Variants in TAFA3 observed in about 807,000 individuals in gnomAD.
TAFA3 encodes the protein chemokine-like protein TAFA-3.
In TAFA3, 17 loss-of-function variants were observed where a neutral mutation model predicts 20.7. The observed-to-expected ratio is 0.82, with a 90% CI of 0.56 to 1.23. The LOEUF (loss-of-function observed/expected upper bound fraction) is 1.23, where lower values mean the gene tolerates loss of function less well. Ranked by LOEUF, TAFA3 falls within the 50% of genes most tolerant of loss-of-function variation. The pLI, the probability that TAFA3 is intolerant of heterozygous loss-of-function variation, is 0.00. For missense variants in TAFA3, 174 were observed against 172.8 expected, an observed-to-expected ratio of 1.01 and a Z score of -0.04; for synonymous variants, 74 against 71.8, an observed-to-expected ratio of 1.03 and a Z score of -0.16.
chr1:112,722,707 T>C (rs1675358698), intron 3 of TAFA3, among the ~76,000 whole-genome samples: 1 of 152,178 alleles, frequency 6.6e-6, no homozygotes, highest in South Asian at 2.1e-4. Context: ...CCACGCATTG[T>C]AAGCCCTGGG....
rs116534797 is a variant in TAFA3 at position 112,722,346 on chromosome 1, C to T, written c.113C>T (p.Thr38Ile). 1.0e-3 allele frequency: 1,623 copies of T among 1,612,950 alleles called. 9 individuals carry two copies. In the African/African-American group the frequency reaches 0.014, roughly 14 times the overall value. ...TLAALQPPTA[T>I]VLVQQGTCEV... Reference sequence around the variant, plus strand: ...GCTGCCTTGCAGCCTCCCACTGCCACAGGTTTGGAGGAGGTGGCAGGGCCC... The same window carrying T: ...GCTGCCTTGCAGCCTCCCACTGCCATAGGTTTGGAGGAGGTGGCAGGGCCC... The change falls in exon 3 of 6, where the codon ACA (threonine) becomes ATA (isoleucine). Residue 38 changes from threonine to isoleucine, a missense_variant and splice_region_variant. Physicochemically the swap from Thr to Ile is moderately conservative, Grantham distance 89. Transcript: ENST00000361886.
At chr1:112,725,495 ACT>A (rs1431965465) in intron 5 of TAFA3, among the ~76,000 whole-genome samples, 2 of 150,434 alleles carry the variant, frequency 1.3e-5, no homozygotes, top group African/African-American at 4.9e-5. Flanking sequence ...TACAGTAGTC[ACT>A]CTGTCACTCA....
In TAFA3 at chr1:112,726,802, A is replaced by G. The variant is rs1280698384; in HGVS notation, c.*162A>G. 4.7e-6 allele frequency: 5 copies of G among 1,063,518 alleles called. No homozygotes were observed. The highest frequency in any genetic ancestry group is 7.0e-6 in the Non-Finnish European group (5 of 713,758). 65.9% of individuals were successfully genotyped at this position (1,063,518 alleles called of 1,614,324 possible). A position where few individuals can be genotyped will look rare whatever the true frequency, so the allele number is the denominator to read the frequency against. ...ATTTCAGTTAAGCTGCTCAGCAGAT[A>G]TGGATGGATCTGCAATCACATACCT... is the stretch of plus-strand genomic sequence containing the variant. On this transcript the variant is annotated 3_prime_UTR_variant, in exon 6 of 6. Coordinates refer to ENST00000361886, the MANE Select transcript of TAFA3 (RefSeq NM_182759.3).
At chr1:112,724,284 C>A in intron 5 of TAFA3, 147 bp downstream of exon 5, 2 of 751,348 alleles carry the variant, frequency 2.7e-6, no homozygotes, top group Non-Finnish European at 4.2e-6. Flanking sequence ...CCTCTCAGGT[C>A]TGTTCTCACT....
chr1:112,724,878 T>TATTA (rs1317409485), intron 5 of TAFA3, among the ~76,000 whole-genome samples: 1 of 132,872 alleles, frequency 7.5e-6, no homozygotes, highest in Admixed American at 7.6e-5. Flanking sequence ...CCAGCCATCC[T>TATTA]ATTACTGGTA....
At chr1:112,725,918 C>A (rs1235278318) in intron 5 of TAFA3, among the ~76,000 whole-genome samples, 2 of 152,114 alleles carry the variant, frequency 1.3e-5, no homozygotes, top group East Asian at 3.9e-4. Flanking sequence ...GTGGGTGAAT[C>A]AAGAGGTCAG....
At chr1:112,721,952 A>G (rs1202999814) in intron 2 of TAFA3, among the ~76,000 whole-genome samples, 1 of 151,882 alleles carries the variant, frequency 6.6e-6, no homozygotes. Context: ...AGTAGGAGTC[A>G]GTATTATTGT....
rs1452845543 is a variant in TAFA3, at chr1:112,723,064, G to T, written c.164G>T (p.Cys55Phe). The T allele has an allele frequency of 6.2e-7, 1 of 1,613,116 alleles. No homozygotes were observed. Among genetic ancestry groups the T allele is most frequent in the Non-Finnish European group, 8.5e-7 (1 of 1,179,686 alleles). The change falls in exon 4 of 6, where the codon TGC becomes TTC. Residue 55 changes from cysteine (C) to phenylalanine (F), a missense_variant. Physicochemically the swap from Cys to Phe is radical, Grantham distance 205. Coordinates refer to ENST00000361886, the MANE Select transcript of TAFA3 (RefSeq NM_182759.3). ...TCEVIAAHRCCNRNRIEERSQ... is the reference protein window; with the variant it reads ...TCEVIAAHRCFNRNRIEERSQ... ...GAGGTGATTGCGGCTCACCGCTGCTGCAACCGGAACCGCATCGAGGAGCGC... is the reference window on the plus strand; with the variant it reads ...GAGGTGATTGCGGCTCACCGCTGCTTCAACCGGAACCGCATCGAGGAGCGC...
At chr1:112,724,744 C>A in intron 5 of TAFA3, among the ~76,000 whole-genome samples, 1 of 133,794 alleles carries the variant, frequency 7.5e-6, no homozygotes, top group Non-Finnish European at 1.5e-5. Flanking sequence ...TGTAACTAAC[C>A]TGCACAATGT....
At chr1:112,725,708 G>A (rs1006462445) in intron 5 of TAFA3, among the ~76,000 whole-genome samples, 6 of 152,228 alleles carry the variant, frequency 3.9e-5, no homozygotes, top group African/African-American at 1.4e-4. Context: ...AGCTCCATGT[G>A]TGTCATGGCT....
At chr1:112,719,381 G>C (rs1438124990) in intron 1 of TAFA3, among the ~76,000 whole-genome samples, 82 bp downstream of exon 1, 1 of 152,184 alleles carries the variant, frequency 6.6e-6, no homozygotes, top group African/African-American at 2.4e-5. Context: ...GGTGAAGAAA[G>C]GTTGAAGATT....
At chr1:112,723,367 G>A (rs1042187769) in intron 4 of TAFA3, among the ~76,000 whole-genome samples, 3 of 152,068 alleles carry the variant, frequency 2.0e-5, no homozygotes, top group Non-Finnish European at 4.4e-5. Flanking sequence ...CTTGTTATGC[G>A]CACAGCCTCC....
intron 5 of TAFA3, among the ~76,000 whole-genome samples, chr1:112,724,631 T>C (rs1305198437): frequency 2.9e-5 from 1 of 33,994 alleles, no homozygotes; most frequent in Non-Finnish European, 5.1e-5. Flanking sequence ...CTGGGGACTG[T>C]GGTGGGGTGG....
chr1:112,720,011 G>T (rs1454608026), intron 1 of TAFA3, among the ~76,000 whole-genome samples: 2 of 152,178 alleles, frequency 1.3e-5, no homozygotes, highest in Non-Finnish European at 2.9e-5. Context: ...GAAATGGAAA[G>T]CTATTGGAGG....
At position 112,726,765 on chromosome 1, in the gene TAFA3, T is replaced by TTGATG; in HGVS notation, c.*125_*126insTGATG. ...TGCCTCATGTCAAATGCAGCATCAGTCTTTCCGGGGCATTTCAGTTAAGCT... is the reference window on the plus strand; with the variant it reads ...TGCCTCATGTCAAATGCAGCATCAGTTGATGCTTTCCGGGGCATTTCAGTTAAGCT... On this transcript the variant is annotated 3_prime_UTR_variant, in exon 6 of 6. Coordinates refer to ENST00000361886, the MANE Select transcript of TAFA3 (RefSeq NM_182759.3). The TTGATG allele has an allele frequency of 2.7e-6, 4 of 1,465,878 alleles. No homozygotes were observed. The highest frequency in any genetic ancestry group is 3.8e-6 in the Non-Finnish European group (4 of 1,049,690). The allele number at this position is 1,465,878 out of a possible 1,614,324, so 90.8% of individuals were successfully genotyped here.
intron 2 of TAFA3, among the ~76,000 whole-genome samples, chr1:112,721,573 C>T (rs1054201460): frequency 6.6e-6 from 1 of 152,208 alleles, no homozygotes; most frequent in Non-Finnish European, 1.5e-5. Flanking sequence ...CTTGGCCTCC[C>T]AAAGTGCTGG....
chr1:112,725,406 A>AC (rs67532529), intron 5 of TAFA3, among the ~76,000 whole-genome samples: 2 of 93,292 alleles, frequency 2.1e-5, no homozygotes, highest in Non-Finnish European at 4.9e-5. Context: ...AAAAAAAAAA[A>AC]AAAAAAAAAC....
rs1333234056 is a variant in TAFA3 at position 112,723,159 on chromosome 1, G to A, written c.259G>A (p.Val87Met). 10 of 1,612,668 alleles carry A rather than the reference G, an allele frequency of 6.2e-6. No individual in the cohort carries two copies. The highest frequency in any genetic ancestry group is 2.2e-5 in the South Asian group (2 of 90,886). Residue 87 changes from valine (V) to methionine (M), a missense_variant, in exon 4 of 6, where the codon GTG (valine) becomes ATG (methionine). Transcript: ENST00000361886. ...CACCACGCGGGCAAAGCCCTCCTGC[G>A]TGGACGGTGAGTGAGAGGCCAGGAC... The part of the protein sequence containing the change: ...AGTTRAKPSC[V>M]DASIVLQRWW...
rs759461479 is a variant in TAFA3, at chr1:112,723,019, T to C, written c.119T>C (p.Leu40Pro). The C allele has an allele frequency of 1.2e-6, 2 of 1,611,320 alleles. No homozygotes were observed. The highest frequency in any genetic ancestry group is 1.7e-6 in the Non-Finnish European group (2 of 1,179,042). ...GATCCTGGGCGGCTCCCCTCAGTGC[T>C]TGTGCAGCAGGGCACCTGCGAGGTG... ...AALQPPTATV[L>P]VQQGTCEVIA... Residue 40 changes from leucine (L) to proline (P), a missense_variant, in exon 4 of 6, where the codon CTT becomes CCT. Leu to Pro is a moderately conservative substitution (Grantham distance 98). Coordinates refer to ENST00000361886, the MANE Select transcript of TAFA3 (RefSeq NM_182759.3).
Sources: allele counts gnomAD v4.1 joint callset (sites outside exome capture counted in the v4.1 genomes callset), GRCh38; gene constraint gnomAD v4.1.1; transcripts MANE v1.5; gene names NCBI Gene and HGNC (gene_info 2026-07-23, HGNC 2026-07-21).